ATP8A2: variants seen among roughly 807,000 people sequenced by gnomAD.
ATP8A2 encodes phospholipid-transporting ATPase IB.
ATP8A2 carries 100 observed loss-of-function variants against 165.6 expected under a neutral mutation model. The observed-to-expected ratio is 0.60, with a 90% confidence interval of 0.51 to 0.71. The LOEUF (loss-of-function observed/expected upper bound fraction) is 0.71, where lower values mean the gene tolerates loss of function less well. Among genes scored for constraint, ATP8A2 ranks in the 30% least tolerant of loss-of-function variants. The probability of loss-of-function intolerance (pLI) is 0.00; values close to 1 mark genes in which losing one functional copy is unlikely to be tolerated. For missense variants in ATP8A2, 1,227 were observed against 1,479.5 expected, an observed-to-expected ratio of 0.83 and a Z score of 2.80; for synonymous variants, 543 against 548.8, an observed-to-expected ratio of 0.99 and a Z score of 0.15.
At chr13:25,554,654 G>C (rs546309622) in intron 12 of ATP8A2, among the ~76,000 whole-genome samples, 1 of 151,916 alleles carries the variant, frequency 6.6e-6, no homozygotes, top group South Asian at 2.1e-4. Flanking sequence ...CATCTCTTGG[G>C]TTCAAGCGAT....
At chr13:25,658,378 C>T (rs1346766181) in intron 24 of ATP8A2, among the ~76,000 whole-genome samples, 2 of 152,116 alleles carry the variant, frequency 1.3e-5, no homozygotes, top group Admixed American at 6.5e-5. Context: ...TGGCTCACAC[C>T]GGTAATCCCA....
intron 33 of ATP8A2, chr13:25,927,169 C>T (rs754265180): frequency 3.1e-5 from 14 of 456,636 alleles, no homozygotes; most frequent in East Asian, 1.4e-4. Flanking sequence ...TATTGCCCTC[C>T]GTGCTGCACG....
chr13:25,714,059 T>C (rs2043206308), intron 25 of ATP8A2, among the ~76,000 whole-genome samples: 1 of 152,084 alleles, frequency 6.6e-6, no homozygotes, highest in African/African-American at 2.4e-5. Flanking sequence ...TCCTTAACTA[T>C]CAGCTTTGAT....
chr13:25,826,480 G>T (rs1951316408), intron 27 of ATP8A2, among the ~76,000 whole-genome samples: 1 of 152,198 alleles, frequency 6.6e-6, no homozygotes, highest in Non-Finnish European at 1.5e-5. Context: ...GGATACAGTA[G>T]TGCACAGAGC....
chr13:25,524,446 T>G (rs2037771021), intron 2 of ATP8A2, among the ~76,000 whole-genome samples: 1 of 152,168 alleles, frequency 6.6e-6, no homozygotes, highest in African/African-American at 2.4e-5. Context: ...TGTCCATTAC[T>G]GACAGTGGGA....
At chr13:25,555,313 T>C (rs915005124) in intron 13 of ATP8A2, among the ~76,000 whole-genome samples, 3 of 151,676 alleles carry the variant, frequency 2.0e-5, no homozygotes, top group African/African-American at 7.3e-5. Flanking sequence ...AAAGAAGTAA[T>C]ATAAAAAATA....
chr13:25,754,955 T>C (rs1221027061), intron 25 of ATP8A2, among the ~76,000 whole-genome samples: 3 of 152,208 alleles, frequency 2.0e-5, no homozygotes, highest in South Asian at 2.1e-4. Flanking sequence ...CTTCCACTTA[T>C]ACTAATTGCA....
At chr13:25,825,854 C>T (rs961132384) in intron 27 of ATP8A2, among the ~76,000 whole-genome samples, 1 of 151,876 alleles carries the variant, frequency 6.6e-6, no homozygotes, top group Non-Finnish European at 1.5e-5. Flanking sequence ...ATTTCTTCAC[C>T]GAGAATAGCC....
chr13:25,940,855 A>G lies in ATP8A2; in HGVS notation c.3184-20720A>G, dbSNP rs578132054. Among the ~76,000 whole-genome samples, 10 of 152,300 alleles carry G rather than the reference A, an allele frequency of 6.6e-5. No homozygotes were observed. In the East Asian group the frequency reaches 1.9e-3, roughly 30 times the overall value. On this transcript the variant is annotated intron_variant, in intron 33 of 36. Transcript: ENST00000381655. ...CGATCCTGGCCAAGCTCCGTGACCC[A>G]TCGTGCCTGAGTGACCTCACCTGTG...
chr13:25,789,546 A>G (rs2045114296), intron 27 of ATP8A2, among the ~76,000 whole-genome samples: 1 of 152,224 alleles, frequency 6.6e-6, no homozygotes, highest in African/African-American at 2.4e-5. Context: ...AGGCCTCTAC[A>G]GTGAGAAATA....
At chr13:25,518,948 G>A (rs1012148948) in intron 2 of ATP8A2, among the ~76,000 whole-genome samples, 3 of 152,200 alleles carry the variant, frequency 2.0e-5, no homozygotes, top group African/African-American at 7.2e-5. Flanking sequence ...GAAGCCTCCA[G>A]ATCTTCCCAT....
chr13:25,829,712 A>C (rs541598079), intron 28 of ATP8A2, among the ~76,000 whole-genome samples: 1 of 105,802 alleles, frequency 9.5e-6, no homozygotes, highest in African/African-American at 3.9e-5. Context: ...ATATATATAT[A>C]TATATATATC....
At chr13:25,540,987 G>A (rs1166551986) in intron 8 of ATP8A2, among the ~76,000 whole-genome samples, 2 of 150,920 alleles carry the variant, frequency 1.3e-5, no homozygotes, top group African/African-American at 2.4e-5. Flanking sequence ...TTAGCCTCCC[G>A]AGTAGCTGGG....
chr13:25,887,305 A>G (rs1953188192), intron 33 of ATP8A2, among the ~76,000 whole-genome samples: 1 of 152,148 alleles, frequency 6.6e-6, no homozygotes. Context: ...AAGGTATGAC[A>G]TCAGATCATA....
intron 33 of ATP8A2, among the ~76,000 whole-genome samples, chr13:25,882,453 G>A (rs778304360): frequency 6.6e-6 from 1 of 152,062 alleles, no homozygotes; most frequent in East Asian, 1.9e-4. Context: ...TAACCTGTTC[G>A]CATCCACTTT....
chr13:25,380,361 G>T (rs1300167031), intron 1 of ATP8A2, among the ~76,000 whole-genome samples: 1 of 152,142 alleles, frequency 6.6e-6, no homozygotes, highest in Non-Finnish European at 1.5e-5. Context: ...GAAGTTGAAG[G>T]TGACTTTACA....
At chr13:25,837,743 C>T (rs1016147227) in intron 29 of ATP8A2, among the ~76,000 whole-genome samples, 12 of 151,954 alleles carry the variant, frequency 7.9e-5, no homozygotes, top group Non-Finnish European at 1.5e-4. Context: ...TTAGCTAGTG[C>T]GTAAAATTGA....
intron 1 of ATP8A2, among the ~76,000 whole-genome samples, chr13:25,409,881 C>T (rs978015305): frequency 6.6e-6 from 1 of 151,974 alleles, no homozygotes; most frequent in African/African-American, 2.4e-5. Context: ...ATGATATTAA[C>T]TCTCCAATGA....
rs554847335 is a variant in ATP8A2 at position 25,624,117 on chromosome 13, C to T, written c.2211+34418C>T. Among the ~76,000 whole-genome samples the T allele has an allele frequency of 3.7e-4, 56 of 152,230 alleles. 1 individual carries two copies. The South Asian group carries it at 0.011, about 30-fold the overall frequency. ...TAAACGGCTTACTGAATTGGACTCT[C>T]CAAGAAGGGTATTTCTTAATAGAAA... On this transcript the variant is annotated intron_variant, in intron 24 of 36. Transcript: ENST00000381655.
Sources: allele counts gnomAD v4.1 joint callset (sites outside exome capture counted in the v4.1 genomes callset), GRCh38; gene constraint gnomAD v4.1.1; transcripts MANE v1.5; gene names NCBI Gene and HGNC (gene_info 2026-07-23, HGNC 2026-07-21).